The following DIP2C variants were observed in gnomAD, a reference collection of about 807,000 sequenced individuals.
The protein encoded by DIP2C is DIP2 acetate--CoA ligase C (putative).
In DIP2C, 33 loss-of-function variants were observed where a neutral mutation model predicts 192.4. The observed-to-expected ratio is 0.17, with a 90% CI of 0.13 to 0.23. The LOEUF is 0.23. DIP2C is among the 10% of genes least tolerant of loss of function. The probability of loss-of-function intolerance (pLI) is 1.00; values close to 1 mark genes in which losing one functional copy is unlikely to be tolerated. For synonymous variants in DIP2C, 979 were observed against 864.1 expected (o/e 1.13, Z -2.33); for missense variants, 1,537 against 2,110.1 (o/e 0.73, Z 5.32).
intron 1 of DIP2C, among the ~76,000 whole-genome samples, chr10:502,216 A>G (rs1176663231): frequency 6.6e-6 from 1 of 152,158 alleles, no homozygotes; most frequent in East Asian, 1.9e-4. Context: ...GATAAGCCCA[A>G]TCATTTACTG....
At chr10:653,136 T>C (rs748429344) in intron 1 of DIP2C, among the ~76,000 whole-genome samples, 7 of 150,804 alleles carry the variant, frequency 4.6e-5, no homozygotes, top group Admixed American at 4.6e-4. Context: ...AAAAAGCAGA[T>C]ATTCAATGCC....
intron 3 of DIP2C, among the ~76,000 whole-genome samples, chr10:471,897 T>A (rs1434068888): frequency 1.3e-5 from 2 of 152,180 alleles, no homozygotes; most frequent in Admixed American, 6.5e-5. Context: ...GGACTACAGG[T>A]GCCCACCACC....
At chr10:399,356 T>G in intron 9 of DIP2C, 137 bp from the exon 10 acceptor site, 1 of 638,740 alleles carries the variant, frequency 1.6e-6, no homozygotes, top group South Asian at 1.9e-5. Context: ...TTCAGTAAGC[T>G]GTGTTTTAAT....
intron 3 of DIP2C, among the ~76,000 whole-genome samples, chr10:457,471 C>A (rs2133363208): frequency 6.6e-6 from 1 of 152,328 alleles, no homozygotes; most frequent in South Asian, 2.1e-4. Context: ...TCCAATGAAA[C>A]CAATCTATCC....
At chr10:562,192 A>G (rs1588466791) in intron 1 of DIP2C, among the ~76,000 whole-genome samples, 1 of 152,234 alleles carries the variant, frequency 6.6e-6, no homozygotes, top group African/African-American at 2.4e-5. Context: ...AGGGTTGGGC[A>G]GGCCGCATCT....
intron 1 of DIP2C, among the ~76,000 whole-genome samples, chr10:547,059 A>G (rs1297669701): frequency 6.6e-6 from 1 of 152,118 alleles, no homozygotes; most frequent in Non-Finnish European, 1.5e-5. Flanking sequence ...ATGGGAGAGC[A>G]CTTGGTGCCT....
intron 1 of DIP2C, among the ~76,000 whole-genome samples, chr10:546,061 C>CA (rs1406523666): frequency 1.3e-5 from 2 of 152,126 alleles, no homozygotes; most frequent in African/African-American, 4.8e-5. Context: ...GCAGATGGGT[C>CA]ACTTGAAGTC....
At chr10:356,320 A>C in intron 24 of DIP2C, 106 bp downstream of exon 24, 1 of 1,294,012 alleles carries the variant, frequency 7.7e-7, no homozygotes, top group Non-Finnish European at 1.1e-6. Flanking sequence ...AAGAATTCCC[A>C]TAAGACTGAA....
intron 1 of DIP2C, among the ~76,000 whole-genome samples, chr10:571,098 C>T (rs1026104430): frequency 1.3e-5 from 2 of 152,262 alleles, no homozygotes; most frequent in Admixed American, 6.5e-5. Context: ...AGCTGGCCGA[C>T]TGCTCTGTAG....
chr10:334,544 TA>T (rs1378729899), intron 29 of DIP2C, among the ~76,000 whole-genome samples: 1 of 152,184 alleles, frequency 6.6e-6, no homozygotes, highest in East Asian at 1.9e-4. Context: ...CTGTGTTTTC[TA>T]AAATTTTTAT....
At chr10:599,386 T>C (rs570738605) in intron 1 of DIP2C, among the ~76,000 whole-genome samples, 1 of 152,192 alleles carries the variant, frequency 6.6e-6, no homozygotes, top group African/African-American at 2.4e-5. Context: ...GCAATCTCTT[T>C]GCAATCAAAA....
intron 29 of DIP2C, among the ~76,000 whole-genome samples, chr10:336,156 C>T (rs1957759609): frequency 6.6e-6 from 1 of 152,136 alleles, no homozygotes; most frequent in African/African-American, 2.4e-5. Flanking sequence ...ATAGCTTGAG[C>T]CCAGGAGTTC....
chr10:551,911 G>A lies in DIP2C; in HGVS notation c.86-65381C>T, dbSNP rs571420847. 2.0e-3 allele frequency among the ~76,000 whole-genome samples: 302 copies of A among 152,320 alleles called. 2 individuals are homozygous for A. Among genetic ancestry groups the A allele is most frequent in the Middle Eastern group, 0.01 (3 of 294 alleles). On this transcript the variant is annotated intron_variant, in intron 1 of 36. Coordinates refer to ENST00000280886, the MANE Select transcript of DIP2C (RefSeq NM_014974.3). ...TCAGATGCTGCAGGCCCCTGCCGTG[G>A]TGTCACACCCAGGACACCCCTGCCA...
intron 17 of DIP2C, among the ~76,000 whole-genome samples, chr10:370,808 AT>A (rs1960864257): frequency 1.3e-5 from 2 of 152,220 alleles, no homozygotes; most frequent in South Asian, 4.1e-4. Context: ...ACTTTAAAAT[AT>A]TATGGTTTAT....
chr10:319,183 G>A (rs1356663647), intron 31 of DIP2C, among the ~76,000 whole-genome samples: 2 of 152,112 alleles, frequency 1.3e-5, no homozygotes, highest in East Asian at 1.9e-4. Flanking sequence ...GAAGTGCTGG[G>A]ATTACAGGCG....
At chr10:345,293 G>C (rs371165415) in intron 26 of DIP2C, 183 bp from the exon 27 acceptor site, 2 of 703,596 alleles carry the variant, frequency 2.8e-6, no homozygotes, top group Non-Finnish European at 5.1e-6. Context: ...GTGGAGGCAC[G>C]GGGGCAGGGC....
At chr10:379,816 T>C (rs1218794763) in intron 17 of DIP2C, among the ~76,000 whole-genome samples, 1 of 152,246 alleles carries the variant, frequency 6.6e-6, no homozygotes, top group East Asian at 1.9e-4. Flanking sequence ...TCTGCTTTGA[T>C]ACCAGGAGCA....
chr10:296,756 G>A (rs1300768043), intron 32 of DIP2C, among the ~76,000 whole-genome samples: 1 of 151,872 alleles, frequency 6.6e-6, no homozygotes, highest in East Asian at 1.9e-4. Context: ...GAGGAAGGTA[G>A]AAACCATCAT....
At chr10:411,038 G>A (rs371481898) in intron 8 of DIP2C, among the ~76,000 whole-genome samples, 2 of 152,264 alleles carry the variant, frequency 1.3e-5, no homozygotes, top group African/African-American at 4.8e-5. Flanking sequence ...GTGGCGAAGG[G>A]CTGAACCGGA....
Sources: gnomAD v4.1 joint callset for allele counts (sites outside exome capture counted in the v4.1 genomes callset) on GRCh38, gnomAD v4.1.1 for gene constraint, MANE v1.5 for transcripts, NCBI Gene and HGNC (gene_info 2026-07-23, HGNC 2026-07-21) for gene names.